The following FAM24B variants were observed in gnomAD, a reference collection of about 807,000 sequenced individuals.
FAM24B encodes the protein family with sequence similarity 24 member B.
Under a neutral mutation model 2.3 loss-of-function variants are expected in FAM24B, and 3 were observed. The observed-to-expected ratio is 1.29, with a 90% CI of 0.59 to 3.32. The LOEUF is 3.32. FAM24B is among the 30% of genes most tolerant of loss of function. The probability of loss-of-function intolerance (pLI) is 0.03; values close to 1 mark genes in which losing one functional copy is unlikely to be tolerated. For missense variants in FAM24B, 98 were observed against 117.2 expected (o/e 0.84, Z 0.76); for synonymous variants, 36 against 46.3 (o/e 0.78, Z 0.90).
chr10:122,855,732 G>A lies in FAM24B; in HGVS notation c.-123C>T, dbSNP rs1039574607. The A allele has an allele frequency of 1.3e-5, 2 of 152,272 alleles. No homozygotes were observed. The highest frequency in any genetic ancestry group is 2.9e-5 in the Non-Finnish European group (2 of 68,100). 9.4% of individuals were successfully genotyped at this position (152,272 alleles called of 1,614,324 possible). A position where few individuals can be genotyped will look rare whatever the true frequency, so the allele number is the denominator to read the frequency against. Reference sequence around the variant, plus strand: ...TCATGTGTCAGACATCCCCTTGTCAGGCATCCTCCAGGGTCTTCCAACTGC... The same window carrying A: ...TCATGTGTCAGACATCCCCTTGTCAAGCATCCTCCAGGGTCTTCCAACTGC... On this transcript the variant is annotated 5_prime_UTR_variant, in exon 2 of 4. Coordinates refer to ENST00000368898, the MANE Select transcript of FAM24B (RefSeq NM_152644.3).
rs1455294325 is a variant in FAM24B at position 122,849,345 on chromosome 10, C to T, written c.187G>A (p.Glu63Lys). 6.2e-7 allele frequency: 1 copy of T among 1,613,600 alleles called. No individual in the cohort carries two copies. Among genetic ancestry groups the T allele is most frequent in the South Asian group, 1.1e-5 (1 of 90,910 alleles). ...CAGCACTGCAGGGCAGGACAAGACT[C>T]CGTGGCAATGGTTTTGGCCTGGCTG... The part of the protein sequence containing the change: ...KNSQAKTIAT[E>K]SCPALQCCEG... Residue 63 changes from glutamate to lysine, a missense_variant, in exon 4 of 4, where the codon GAG becomes AAG. Coordinates refer to ENST00000368898, the MANE Select transcript of FAM24B (RefSeq NM_152644.3).
At chr10:122,852,897 T>C (rs1374874602) in intron 2 of FAM24B, among the ~76,000 whole-genome samples, 4 of 152,196 alleles carry the variant, frequency 2.6e-5, no homozygotes, top group African/African-American at 9.6e-5. Context: ...TTCTGTCTTG[T>C]TGAGTTGCCC....
chr10:122,850,380 G>A (rs764430582), intron 3 of FAM24B, 44 bp downstream of exon 3: 55 of 1,500,304 alleles, frequency 3.7e-5, no homozygotes, highest in Non-Finnish European at 4.2e-5. Context: ...TTTTCCCCAT[G>A]TGACTCACTT....
At chr10:122,850,688 C>A in intron 2 of FAM24B, 138 bp from the exon 3 acceptor site, 1 of 551,990 alleles carries the variant, frequency 1.8e-6, no homozygotes, top group South Asian at 2.6e-5. Context: ...AAATGTCTTC[C>A]CAGGGCGGCC....
intron 1 of FAM24B, among the ~76,000 whole-genome samples, chr10:122,862,255 T>G (rs575574715): frequency 4.8e-4 from 73 of 152,218 alleles, no homozygotes; most frequent in Non-Finnish European, 9.6e-4. Flanking sequence ...CCTTGTTTAA[T>G]TAGATTCTAA....
At chr10:122,853,775 CA>C (rs1310088226) in intron 2 of FAM24B, among the ~76,000 whole-genome samples, 3 of 152,084 alleles carry the variant, frequency 2.0e-5, no homozygotes, top group Non-Finnish European at 4.4e-5. Context: ...GGTGTGGTAG[CA>C]GATGTCTGTA....
chr10:122,858,494 T>C (rs1483611291), intron 1 of FAM24B, among the ~76,000 whole-genome samples: 1 of 151,838 alleles, frequency 6.6e-6, no homozygotes, highest in Non-Finnish European at 1.5e-5. Flanking sequence ...ATGGCACATG[T>C]ATACATATGT....
At chr10:122,871,474 G>T (rs1032589945) in intron 1 of FAM24B, among the ~76,000 whole-genome samples, 1 of 151,468 alleles carries the variant, frequency 6.6e-6, no homozygotes, top group Non-Finnish European at 1.5e-5. Context: ...AGCCCGCATC[G>T]CCAAGTCAAT....
In FAM24B at chr10:122,850,177, T is replaced by A. The variant is rs572214753; in HGVS notation, c.92+247A>T. Among the ~76,000 whole-genome samples the A allele has an allele frequency of 3.3e-5, 5 of 152,108 alleles. No homozygotes were observed. In the East Asian group the frequency reaches 9.7e-4, roughly 29 times the overall value. ...AGTGACAGCCAAGCAGCGCTGACAC[T>A]CACAGGCCAAAGCTGAGAACATTCT... On this transcript the variant is annotated intron_variant, in intron 3 of 3. Coordinates refer to ENST00000368898, the MANE Select transcript of FAM24B (RefSeq NM_152644.3).
At chr10:122,875,938 C>T (rs1282730212) in intron 1 of FAM24B, among the ~76,000 whole-genome samples, 2 of 152,172 alleles carry the variant, frequency 1.3e-5, no homozygotes, top group African/African-American at 2.4e-5. Context: ...CCAGTAAACA[C>T]ACTATGCATA....
At chr10:122,874,831 T>C (rs1438782592) in intron 1 of FAM24B, among the ~76,000 whole-genome samples, 1 of 152,220 alleles carries the variant, frequency 6.6e-6, no homozygotes, top group African/African-American at 2.4e-5. Context: ...TTTGCAATTT[T>C]TAAGCTCATC....
chr10:122,869,229 A>G (rs1263843652), intron 1 of FAM24B, among the ~76,000 whole-genome samples: 3 of 152,158 alleles, frequency 2.0e-5, no homozygotes, highest in Non-Finnish European at 4.4e-5. Context: ...AACAAGAAGA[A>G]CTAACTATCC....
chr10:122,860,006 G>A (rs1420561879), intron 1 of FAM24B, among the ~76,000 whole-genome samples: 3 of 152,046 alleles, frequency 2.0e-5, no homozygotes, highest in Admixed American at 2.0e-4. Flanking sequence ...TTTTGTCCTG[G>A]CACAGCCCCT....
rs140382714 is a variant in FAM24B, at chr10:122,861,941, T to C, written c.-177-6155A>G. 4.0e-3 allele frequency among the ~76,000 whole-genome samples: 598 copies of C among 150,794 alleles called. 2 individuals are homozygous for C. Among genetic ancestry groups the C allele is most frequent in the Non-Finnish European group, 6.9e-3 (467 of 67,994 alleles). On this transcript the variant is annotated intron_variant, in intron 1 of 3. Transcript: ENST00000368898. The stretch of plus-strand genomic sequence containing the variant: ...CTTCATAATCTGACCTACACGGACC[T>C]TCATAATCTGACCATTTACCTGCCT...
chr10:122,860,303 T>C (rs893571856), intron 1 of FAM24B, among the ~76,000 whole-genome samples: 3 of 152,238 alleles, frequency 2.0e-5, no homozygotes, highest in Admixed American at 6.5e-5. Context: ...ACTTAGCCTT[T>C]TGGACCTGGC....
In FAM24B at chr10:122,849,441, T is replaced by C; in HGVS notation, c.93-2A>G. On this transcript the variant is annotated splice_acceptor_variant, in intron 3 of 3. Transcript: ENST00000368898. LOFTEE classifies it high-confidence loss of function. ...ACAGCTTCAGGTTCCTTTGCAGCTC[T>C]TGAGAAAAGACACACACAAAGCACA... 1.9e-6 allele frequency: 3 copies of C among 1,605,396 alleles called. No individual in the cohort carries two copies. The highest frequency in any genetic ancestry group is 2.6e-6 in the Non-Finnish European group (3 of 1,175,752).
chr10:122,865,150 G>A (rs1847783027), intron 1 of FAM24B, among the ~76,000 whole-genome samples: 1 of 152,124 alleles, frequency 6.6e-6, no homozygotes, highest in South Asian at 2.1e-4. Context: ...AATTCCTGGT[G>A]CTGTGCATAC....
intron 2 of FAM24B, among the ~76,000 whole-genome samples, chr10:122,853,016 C>T (rs570558034): frequency 5.0e-4 from 76 of 152,128 alleles, no homozygotes; most frequent in African/African-American, 1.8e-3. Context: ...TTTAGGAATC[C>T]GAGACAAAAA....
chr10:122,860,053 T>G (rs1360935330), intron 1 of FAM24B, among the ~76,000 whole-genome samples: 1 of 152,088 alleles, frequency 6.6e-6, no homozygotes, highest in Non-Finnish European at 1.5e-5. Context: ...TTTTTTTAAC[T>G]TGCACACAGT....
Sources: gnomAD v4.1 joint callset for allele counts (sites outside exome capture counted in the v4.1 genomes callset) on GRCh38, gnomAD v4.1.1 for gene constraint, MANE v1.5 for transcripts, NCBI Gene and HGNC (gene_info 2026-07-23, HGNC 2026-07-21) for gene names.